The following SAMD3 variants were observed in gnomAD, a reference collection of about 807,000 sequenced individuals.
The protein encoded by SAMD3 is sterile alpha motif domain-containing protein 3.
In SAMD3, 63 loss-of-function variants were observed where a neutral mutation model predicts 58.5. The ratio of observed to expected loss-of-function variants is 1.08; its 90% CI spans 0.88 to 1.33. The LOEUF is 1.33. Among genes scored for constraint, SAMD3 ranks in the 40% most tolerant of loss-of-function variants. The probability of loss-of-function intolerance (pLI) is 0.00; values close to 1 mark genes in which losing one functional copy is unlikely to be tolerated. For synonymous variants in SAMD3, 220 were observed against 210.3 expected (o/e 1.05, Z -0.40); for missense variants, 604 against 608.4 (o/e 0.99, Z 0.08).
intron 1 of SAMD3, among the ~76,000 whole-genome samples, chr6:130,355,965 A>AT (rs1252283530): frequency 6.6e-6 from 1 of 152,102 alleles, no homozygotes; most frequent in Admixed American, 6.5e-5. Context: ...CATCAGTGCC[A>AT]TTTTTCCTTG....
intron 2 of SAMD3, 64 bp downstream of exon 2, chr6:130,216,507 A>G (rs954092401): frequency 6.6e-6 from 1 of 152,184 alleles, no homozygotes; most frequent in African/African-American, 2.4e-5. Context: ...ATTTTTGTAT[A>G]TTTAAAGAAG....
At chr6:130,261,284 G>A (rs552589929) in intron 2 of SAMD3, among the ~76,000 whole-genome samples, 2 of 118,242 alleles carry the variant, frequency 1.7e-5, no homozygotes, top group African/African-American at 8.4e-5. Flanking sequence ...CTCCATTTGA[G>A]TGGAAGCGTG....
In SAMD3 at chr6:130,240,978, C is replaced by T. The variant is rs182767299; in HGVS notation, c.-187-18165G>A. Among the ~76,000 whole-genome samples, 339 of 152,218 alleles carry T rather than the reference C, an allele frequency of 2.2e-3. 1 individual carries two copies. The highest frequency in any genetic ancestry group is 7.9e-3 in the African/African-American group (329 of 41,538). On this transcript the variant is annotated intron_variant, in intron 2 of 13. Transcript: ENST00000368134. ...TTCTCTCCTTCTACTAGTAATACCA[C>T]CTCAGTATCTTGGAGGCACACTTCC...
chr6:130,232,726 T>G (rs1459053291), intron 2 of SAMD3, among the ~76,000 whole-genome samples: 1 of 152,032 alleles, frequency 6.6e-6, no homozygotes, highest in Non-Finnish European at 1.5e-5. Flanking sequence ...TTCATAAAAC[T>G]GAGGCATCAC....
In SAMD3 at chr6:130,351,124, G is replaced by A. The variant is rs185235285; in HGVS notation, c.-304+13996C>T. On this transcript the variant is annotated intron_variant, in intron 1 of 13. Transcript: ENST00000368134. ...GTTAGACCTAAAACCATAAAAACCC[G>A]AGAAGAAAACCTAGGCGATACCACT... Among the ~76,000 whole-genome samples the A allele has an allele frequency of 2.3e-3, 350 of 152,106 alleles. 2 individuals carry two copies. Among genetic ancestry groups the A allele is most frequent in the African/African-American group, 7.5e-3 (312 of 41,542 alleles).
chr6:130,157,424 A>C (rs1789890937), intron 8 of SAMD3, among the ~76,000 whole-genome samples: 1 of 151,972 alleles, frequency 6.6e-6, no homozygotes, highest in Admixed American at 6.6e-5. Flanking sequence ...GTGCAGCCTC[A>C]AACTTCCAGG....
chr6:130,157,589 A>G (rs1395824400), intron 8 of SAMD3, among the ~76,000 whole-genome samples: 1 of 152,130 alleles, frequency 6.6e-6, no homozygotes, highest in Non-Finnish European at 1.5e-5. Context: ...GGCCTCCCAA[A>G]TTGTTGGGAT....
chr6:130,182,992 C>T (rs942037190), intron 7 of SAMD3: 2 of 187,912 alleles, frequency 1.1e-5, no homozygotes, highest in African/African-American at 4.8e-5. Context: ...GCATCATAAA[C>T]ACTCAGTTTT....
intron 2 of SAMD3, among the ~76,000 whole-genome samples, chr6:130,265,362 G>T (rs923921275): frequency 1.6e-4 from 24 of 152,250 alleles, no homozygotes; most frequent in African/African-American, 5.8e-4. Context: ...AAGATAACAA[G>T]CCCTGCTTCA....
chr6:130,289,861 C>T (rs1775304380), intron 2 of SAMD3, among the ~76,000 whole-genome samples: 2 of 152,114 alleles, frequency 1.3e-5, no homozygotes, highest in African/African-American at 4.8e-5. Context: ...AAACTCATAT[C>T]CTTCCAGAAA....
upstream of SAMD3, among the ~76,000 whole-genome samples, chr6:130,226,329 T>G (rs566629168): frequency 6.6e-6 from 1 of 152,332 alleles, no homozygotes; most frequent in South Asian, 2.1e-4. Context: ...AGATTCTGAT[T>G]CAGGTGGGTA....
At chr6:130,192,608 C>T (rs1793657686) in intron 5 of SAMD3, among the ~76,000 whole-genome samples, 1 of 152,002 alleles carries the variant, frequency 6.6e-6, no homozygotes, top group Admixed American at 6.6e-5. Context: ...TCTCCCTTCG[C>T]TGACTCTCTT....
chr6:130,155,490 T>A (rs1789696293), intron 8 of SAMD3, among the ~76,000 whole-genome samples: 1 of 152,246 alleles, frequency 6.6e-6, no homozygotes, highest in Admixed American at 6.5e-5. Context: ...AGTGGTTATT[T>A]TCTGATGCTA....
At chr6:130,188,273 C>T (rs150464878) in intron 5 of SAMD3, among the ~76,000 whole-genome samples, 1 of 152,286 alleles carries the variant, frequency 6.6e-6, no homozygotes, top group Non-Finnish European at 1.5e-5. Context: ...TGAGCACCAG[C>T]TCTCTAAGGA....
intron 2 of SAMD3, among the ~76,000 whole-genome samples, chr6:130,246,157 G>A (rs1379454037): frequency 6.6e-6 from 1 of 152,112 alleles, no homozygotes; most frequent in African/African-American, 2.4e-5. Context: ...GGAGAACAAA[G>A]ATCAAGGCTA....
At chr6:130,313,641 A>G (rs1355752453) in intron 1 of SAMD3, among the ~76,000 whole-genome samples, 1 of 152,102 alleles carries the variant, frequency 6.6e-6, no homozygotes, top group Non-Finnish European at 1.5e-5. Flanking sequence ...TCAGCTGTAA[A>G]TCTCTCCAAA....
At chr6:130,178,428 G>A (rs184598231) in intron 7 of SAMD3, among the ~76,000 whole-genome samples, 1 of 151,414 alleles carries the variant, frequency 6.6e-6, no homozygotes, top group African/African-American at 2.4e-5. Flanking sequence ...TGTTTCCCTC[G>A]AGCCCTGGCC....
intron 8 of SAMD3, among the ~76,000 whole-genome samples, chr6:130,155,391 GT>G (rs1255084610): frequency 1.8e-4 from 27 of 151,986 alleles, no homozygotes; most frequent in African/African-American, 6.0e-4. Flanking sequence ...AAGTATTAAG[GT>G]TTTGTTATTA....
chr6:130,247,810 T>C (rs1402352656), intron 2 of SAMD3, among the ~76,000 whole-genome samples: 1 of 152,218 alleles, frequency 6.6e-6, no homozygotes, highest in Non-Finnish European at 1.5e-5. Flanking sequence ...AGATGAATGT[T>C]ATTATTAGGT....
Sources: allele counts gnomAD v4.1 joint callset (sites outside exome capture counted in the v4.1 genomes callset), GRCh38; gene constraint gnomAD v4.1.1; transcripts MANE v1.5; gene names NCBI Gene and HGNC (gene_info 2026-07-23, HGNC 2026-07-21).